AUTS2: variants seen among roughly 807,000 people sequenced by gnomAD.
The protein encoded by AUTS2 is activator of transcription and developmental regulator AUTS2, also known as autism susceptibility gene 2 protein.
AUTS2 carries 17 observed loss-of-function variants against 112.4 expected under a neutral mutation model. The ratio of observed to expected loss-of-function variants is 0.15; its 90% confidence interval spans 0.10 to 0.23. The LOEUF (loss-of-function observed/expected upper bound fraction) is 0.23, where lower values mean the gene tolerates loss of function less well. Among genes scored for constraint, AUTS2 ranks in the 10% least tolerant of loss-of-function variants. AUTS2 has a pLI of 1.00. For missense variants in AUTS2, 1,510 were observed against 1,701.6 expected, an observed-to-expected ratio of 0.89 and a Z score of 1.98; for synonymous variants, 751 against 702.7, an observed-to-expected ratio of 1.07 and a Z score of -1.09.
At chr7:69,761,535 G>A (rs1256598641) in intron 1 of AUTS2, among the ~76,000 whole-genome samples, 1 of 152,088 alleles carries the variant, frequency 6.6e-6, no homozygotes, top group African/African-American at 2.4e-5. Flanking sequence ...TGATTTGTGT[G>A]TATTTCCTTG....
intron 1 of AUTS2, among the ~76,000 whole-genome samples, chr7:69,886,037 G>C (rs1794257405): frequency 6.6e-6 from 1 of 152,168 alleles, no homozygotes; most frequent in African/African-American, 2.4e-5. Flanking sequence ...TGAATTCTAA[G>C]TTACATCTGT....
intron 17 of AUTS2, among the ~76,000 whole-genome samples, chr7:70,786,709 C>T (rs1191750481): frequency 2.6e-5 from 4 of 152,178 alleles, no homozygotes; most frequent in Non-Finnish European, 5.9e-5. Context: ...CATACCGTCA[C>T]AGGTCGGTCT....
chr7:70,277,521 C>T (rs1269962509), intron 4 of AUTS2, among the ~76,000 whole-genome samples: 1 of 152,062 alleles, frequency 6.6e-6, no homozygotes, highest in Non-Finnish European at 1.5e-5. Context: ...TTCTAAGGGT[C>T]CCTTGCACTC....
At chr7:70,175,558 A>T (rs1017829293) in intron 4 of AUTS2, among the ~76,000 whole-genome samples, 2 of 152,204 alleles carry the variant, frequency 1.3e-5, no homozygotes, top group African/African-American at 4.8e-5. Flanking sequence ...TTGATGGAGC[A>T]AACTTCATTG....
chr7:70,161,805 C>A (rs913715415), intron 4 of AUTS2, among the ~76,000 whole-genome samples: 1 of 152,040 alleles, frequency 6.6e-6, no homozygotes, highest in Non-Finnish European at 1.5e-5. Context: ...ACTCCATAAA[C>A]CTGCAGTGAC....
intron 1 of AUTS2, among the ~76,000 whole-genome samples, chr7:69,806,543 T>C (rs1325463424): frequency 6.6e-6 from 1 of 152,124 alleles, no homozygotes; most frequent in Non-Finnish European, 1.5e-5. Flanking sequence ...CACGGCTTAC[T>C]GTAGCCTCGA....
intron 3 of AUTS2, among the ~76,000 whole-genome samples, chr7:70,123,244 C>T (rs889236368): frequency 2.0e-5 from 3 of 152,108 alleles, no homozygotes; most frequent in African/African-American, 7.2e-5. Context: ...CACCTACCTG[C>T]ACAATATTTT....
intron 2 of AUTS2, among the ~76,000 whole-genome samples, chr7:69,922,210 CTG>C (rs927291043): frequency 5.3e-5 from 8 of 152,228 alleles, no homozygotes; most frequent in African/African-American, 1.9e-4. Flanking sequence ...TGCACGCAGT[CTG>C]TGAAAGGCTA....
intron 5 of AUTS2, among the ~76,000 whole-genome samples, chr7:70,494,615 G>A (rs544693320): frequency 6.6e-6 from 1 of 150,922 alleles, no homozygotes; most frequent in Non-Finnish European, 1.5e-5. Context: ...CCCACTGGCT[G>A]CCATTTTCCC....
At chr7:70,494,299 A>G (rs2116471774) in intron 5 of AUTS2, among the ~76,000 whole-genome samples, 1 of 152,026 alleles carries the variant, frequency 6.6e-6, no homozygotes, top group South Asian at 2.1e-4. Flanking sequence ...TTTTTTTCAA[A>G]ACTACATTTA....
intron 5 of AUTS2, among the ~76,000 whole-genome samples, chr7:70,578,904 CTTTCTTTCTTTTTT>C (rs1483154261): frequency 8.4e-5 from 12 of 143,378 alleles, no homozygotes; most frequent in African/African-American, 2.3e-4. Flanking sequence ...TTCTTCTTTC[CTTTCTTTCTTTTTT>C]TTTCTTTCTT....
chr7:70,671,169 G>C (rs1051570732), intron 5 of AUTS2, among the ~76,000 whole-genome samples: 1 of 146,004 alleles, frequency 6.8e-6, no homozygotes, highest in Admixed American at 6.7e-5. Flanking sequence ...GGGTGACAGA[G>C]CGAGACTCCG....
chr7:70,043,613 TTTTTTTTTATTTTTGGTCAGTG>T (rs1801362047), intron 2 of AUTS2, among the ~76,000 whole-genome samples: 1 of 145,346 alleles, frequency 6.9e-6, no homozygotes, highest in Non-Finnish European at 1.5e-5. Flanking sequence ...TCCTTTTTTT[TTTTTTTTTATTTTTGGTCAGTG>T]TTTCACTCTT....
Position 70,206,688 on chromosome 7 carries a change from C to T in AUTS2, c.660+72117C>T, listed in dbSNP as rs571713120. Among the ~76,000 whole-genome samples, 10 of 152,334 alleles carry T rather than the reference C, an allele frequency of 6.6e-5. No individual in the cohort carries two copies. The South Asian group carries it at 1.9e-3, about 28-fold the overall frequency. On this transcript the variant is annotated intron_variant, in intron 4 of 18. Transcript: ENST00000342771. The stretch of plus-strand genomic sequence containing the variant: ...CAGTCTTGTCTGTTCCCTGGGCCTA[C>T]ACTGTTCCTTGCCTCAAAATGTAGT...
intron 5 of AUTS2, among the ~76,000 whole-genome samples, chr7:70,461,831 G>A (rs373011280): frequency 1.8e-4 from 28 of 152,272 alleles, no homozygotes; most frequent in African/African-American, 6.3e-4. Flanking sequence ...GGAGGTGGGC[G>A]TGGGTTGTCA....
At chr7:69,800,661 G>C (rs1790042611) in intron 1 of AUTS2, among the ~76,000 whole-genome samples, 1 of 152,202 alleles carries the variant, frequency 6.6e-6, no homozygotes, top group South Asian at 2.1e-4. Flanking sequence ...GGCAGAGTTT[G>C]ATTTATCTCT....
chr7:70,708,513 C>A (rs1243846291), intron 6 of AUTS2, among the ~76,000 whole-genome samples: 2 of 152,040 alleles, frequency 1.3e-5, no homozygotes, highest in Non-Finnish European at 2.9e-5. Context: ...TGACACCCAC[C>A]TGACCAGAAG....
intron 2 of AUTS2, among the ~76,000 whole-genome samples, chr7:69,907,238 C>G (rs1023397597): frequency 6.6e-6 from 1 of 152,206 alleles, no homozygotes; most frequent in African/African-American, 2.4e-5. Context: ...GTGTGAGGTT[C>G]TTATGTAAAA....
intron 4 of AUTS2, among the ~76,000 whole-genome samples, chr7:70,373,424 G>A (rs963512535): frequency 2.0e-4 from 31 of 152,150 alleles, no homozygotes; most frequent in Non-Finnish European, 7.4e-5. Flanking sequence ...TGGATAACAA[G>A]GGTAGGTTTC....
Sources: allele counts gnomAD v4.1 joint callset (sites outside exome capture counted in the v4.1 genomes callset), GRCh38; gene constraint gnomAD v4.1.1; transcripts MANE v1.5; gene names NCBI Gene and HGNC (gene_info 2026-07-23, HGNC 2026-07-21).